The following PRKCE variants were observed in gnomAD, a reference collection of about 807,000 sequenced individuals.
PRKCE encodes the protein protein kinase C epsilon, also known as protein kinase C epsilon type.
A neutral mutation model predicts 85.4 loss-of-function variants in PRKCE; 16 were observed. The ratio of observed to expected loss-of-function variants is 0.19; its 90% CI spans 0.13 to 0.28. PRKCE has a LOEUF of 0.28. Among genes scored for constraint, PRKCE ranks in the 10% least tolerant of loss-of-function variants. The probability of loss-of-function intolerance (pLI) is 1.00; values close to 1 mark genes in which losing one functional copy is unlikely to be tolerated. For synonymous variants in PRKCE, 388 were observed against 371.5 expected (o/e 1.04, Z -0.51); for missense variants, 573 against 975.2 (o/e 0.59, Z 5.49).
chr2:46,076,960 G>A (rs974236390), intron 10 of PRKCE, among the ~76,000 whole-genome samples: 1 of 152,190 alleles, frequency 6.6e-6, no homozygotes, highest in African/African-American at 2.4e-5. Context: ...GAAGCAGAGA[G>A]TAGAATAGGT....
At chr2:45,973,406 C>G (rs2104510698) in intron 2 of PRKCE, among the ~76,000 whole-genome samples, 1 of 152,332 alleles carries the variant, frequency 6.6e-6, no homozygotes, top group East Asian at 1.9e-4. Flanking sequence ...GCACACAAGC[C>G]TCACTTGAAG....
At chr2:46,100,670 A>G (rs1671120749) in intron 11 of PRKCE, among the ~76,000 whole-genome samples, 2 of 152,238 alleles carry the variant, frequency 1.3e-5, no homozygotes, top group South Asian at 2.1e-4. Flanking sequence ...TGGGGAAGCA[A>G]CTAAGAAAAA....
rs1490607394 is a variant in PRKCE at position 46,159,891 on chromosome 2, C to T, written c.2067+139C>T. 1.4e-5 allele frequency: 15 copies of T among 1,072,842 alleles called. No individual in the cohort carries two copies. The highest frequency in any genetic ancestry group is 2.0e-5 in the Non-Finnish European group (15 of 763,830). The allele number at this position is 1,072,842 out of a possible 1,614,324, so 66.5% of individuals were successfully genotyped here. A position where few individuals can be genotyped will look rare whatever the true frequency, so the allele number is the denominator to read the frequency against. On this transcript the variant is annotated intron_variant, in intron 14 of 14. Coordinates refer to ENST00000306156, the MANE Select transcript of PRKCE (RefSeq NM_005400.3). The surrounding 1 kb of genome is among the most constrained non-coding windows in gnomAD (Gnocchi z 4.1). ...ACAAAGACCAGAGGTGGCTGAGGCTCTCCCTAAGACAATGTCTTTAGGCCC... is the reference window on the plus strand; with the variant it reads ...ACAAAGACCAGAGGTGGCTGAGGCTTTCCCTAAGACAATGTCTTTAGGCCC...
At chr2:45,970,196 A>G (rs1242401927) in intron 2 of PRKCE, among the ~76,000 whole-genome samples, 1 of 152,234 alleles carries the variant, frequency 6.6e-6, no homozygotes, top group Non-Finnish European at 1.5e-5. Context: ...TCAGTTTCAT[A>G]GTAGACTTGC....
chr2:45,889,228 G>A (rs1695530061), intron 2 of PRKCE, among the ~76,000 whole-genome samples: 2 of 152,134 alleles, frequency 1.3e-5, no homozygotes, highest in South Asian at 4.1e-4. Flanking sequence ...CAGGAGAGCT[G>A]ACAGCTGCAG....
intron 1 of PRKCE, among the ~76,000 whole-genome samples, chr2:45,761,547 C>A (rs1403054482): frequency 6.6e-6 from 1 of 152,056 alleles, no homozygotes; most frequent in Non-Finnish European, 1.5e-5. Context: ...TGTGGAGATT[C>A]TGATATTCTC....
chr2:45,756,700 GA>G (rs1432702184), intron 1 of PRKCE, among the ~76,000 whole-genome samples: 1 of 152,118 alleles, frequency 6.6e-6, no homozygotes, highest in Admixed American at 6.5e-5. Context: ...TATGCTGAGT[GA>G]AAAAAACAGA....
Position 45,728,101 on chromosome 2 carries a change from C to A in PRKCE, c.348+75653C>A, listed in dbSNP as rs192018571. Among the ~76,000 whole-genome samples, 4 of 152,300 alleles carry A rather than the reference C, an allele frequency of 2.6e-5. No homozygotes were observed. The East Asian group carries it at 7.7e-4, about 29-fold the overall frequency. On this transcript the variant is annotated intron_variant, in intron 1 of 14. Transcript: ENST00000306156. ...CGTATCTTTTCTTTTCAAGCCTGCT[C>A]CTTCTGTGTAAGTGTATTTTTCAAA...
At chr2:46,158,743 C>T (rs1205170435) in intron 13 of PRKCE, among the ~76,000 whole-genome samples, 4 of 152,212 alleles carry the variant, frequency 2.6e-5, no homozygotes, top group Admixed American at 2.6e-4. Flanking sequence ...CATGCACATA[C>T]AATACATACA....
At chr2:45,660,649 A>G (rs1675594557) in intron 1 of PRKCE, among the ~76,000 whole-genome samples, 1 of 152,250 alleles carries the variant, frequency 6.6e-6, no homozygotes, top group South Asian at 2.1e-4. Flanking sequence ...GGTTTCACTT[A>G]GGCTAAAATA....
chr2:45,914,091 A>AGAAT (rs1558826826), intron 2 of PRKCE, among the ~76,000 whole-genome samples: 1 of 152,252 alleles, frequency 6.6e-6, no homozygotes, highest in East Asian at 1.9e-4. Context: ...TGTGTAGCAA[A>AGAAT]GTGTGATTCA....
intron 1 of PRKCE, among the ~76,000 whole-genome samples, chr2:45,841,744 G>T (rs945392760): frequency 1.3e-5 from 2 of 152,254 alleles, no homozygotes; most frequent in Admixed American, 1.3e-4. Flanking sequence ...GAACACAGAT[G>T]AGGGGCTAAT....
chr2:45,758,536 G>C (rs1684191261), intron 1 of PRKCE, among the ~76,000 whole-genome samples: 1 of 152,114 alleles, frequency 6.6e-6, no homozygotes, highest in Admixed American at 6.5e-5. Flanking sequence ...ATGAACTCCT[G>C]CCTCACTCCC....
chr2:45,762,231 T>G (rs1489644425), intron 1 of PRKCE, among the ~76,000 whole-genome samples: 4 of 152,248 alleles, frequency 2.6e-5, no homozygotes, highest in Non-Finnish European at 4.4e-5. Context: ...TTGCTGCCTT[T>G]GGCCACCAGG....
intron 11 of PRKCE, among the ~76,000 whole-genome samples, chr2:46,117,074 T>C (rs890228197): frequency 5.3e-5 from 8 of 152,324 alleles, no homozygotes; most frequent in Non-Finnish European, 1.2e-4. Flanking sequence ...AAGAGAACAA[T>C]TGACTATCAA....
At chr2:45,753,192 G>T (rs1266369909) in intron 1 of PRKCE, among the ~76,000 whole-genome samples, 1 of 152,078 alleles carries the variant, frequency 6.6e-6, no homozygotes, top group African/African-American at 2.4e-5. Context: ...ACTACCTGAA[G>T]CCTAGTTAAA....
At chr2:46,134,483 G>A (rs776871223) in intron 11 of PRKCE, among the ~76,000 whole-genome samples, 1 of 152,230 alleles carries the variant, frequency 6.6e-6, no homozygotes, top group Non-Finnish European at 1.5e-5. Context: ...AATGCAAGCA[G>A]CAGGGGAGCA....
chr2:45,661,045 A>C lies in PRKCE; in HGVS notation c.348+8597A>C, dbSNP rs771051546. ...AGGATCTCCTCTCTCCTCATCCCTG[A>C]CCTCTACCCCACCTTGAAGTCTCAA... is the stretch of plus-strand genomic sequence containing the variant. On this transcript the variant is annotated intron_variant, in intron 1 of 14. Coordinates refer to ENST00000306156, the MANE Select transcript of PRKCE (RefSeq NM_005400.3). Among the ~76,000 whole-genome samples, 71 of 152,196 alleles carry C rather than the reference A, an allele frequency of 4.7e-4. 1 individual carries two copies. Among genetic ancestry groups the C allele is most frequent in the Non-Finnish European group, 1.2e-4 (8 of 68,022 alleles).
chr2:46,091,918 T>C (rs1670205860), intron 11 of PRKCE, among the ~76,000 whole-genome samples: 1 of 152,222 alleles, frequency 6.6e-6, no homozygotes, highest in Non-Finnish European at 1.5e-5. Context: ...AAAATCGAAC[T>C]CTTTCTTTTT....
Sources: allele counts gnomAD v4.1 joint callset (sites outside exome capture counted in the v4.1 genomes callset), GRCh38; gene constraint gnomAD v4.1.1; non-coding constraint Gnocchi (gnomAD v3.1); transcripts MANE v1.5; gene names NCBI Gene and HGNC (gene_info 2026-07-23, HGNC 2026-07-21).